TBC1D22A: variants seen among roughly 807,000 people sequenced by gnomAD.
TBC1D22A encodes putative GTPase activator.
In TBC1D22A, 38 loss-of-function variants were observed where a neutral mutation model predicts 60.2. The observed-to-expected ratio is 0.63, with a 90% CI of 0.49 to 0.83. TBC1D22A has a LOEUF of 0.83. TBC1D22A is among the 40% of genes least tolerant of loss of function. The probability of loss-of-function intolerance (pLI) is 0.00; values close to 1 mark genes in which losing one functional copy is unlikely to be tolerated. For synonymous variants in TBC1D22A, 302 were observed against 281.7 expected (o/e 1.07, Z -0.72); for missense variants, 628 against 701.0 (o/e 0.90, Z 1.18).
At chr22:46,842,271 C>T (rs866189617) in intron 4 of TBC1D22A, among the ~76,000 whole-genome samples, 5 of 152,186 alleles carry the variant, frequency 3.3e-5, no homozygotes, top group Admixed American at 6.5e-5. Flanking sequence ...GGATCTCATT[C>T]GGCCAAAAGC....
intron 4 of TBC1D22A, among the ~76,000 whole-genome samples, chr22:46,837,448 C>G (rs2086572783): frequency 6.6e-6 from 1 of 152,152 alleles, no homozygotes; most frequent in East Asian, 1.9e-4. Context: ...AATGCACATT[C>G]TTCTCAAGTC....
intron 10 of TBC1D22A, among the ~76,000 whole-genome samples, chr22:47,017,771 CT>C (rs1488100805): frequency 1.3e-5 from 2 of 152,208 alleles, no homozygotes; most frequent in Non-Finnish European, 1.5e-5. Context: ...TAAGGGGCCT[CT>C]TAGTTCTTTG....
chr22:46,959,214 C>T (rs574616838), intron 8 of TBC1D22A, among the ~76,000 whole-genome samples: 44 of 152,308 alleles, frequency 2.9e-4, no homozygotes, highest in Admixed American at 2.7e-3. Context: ...CCCTAAACTA[C>T]GTGACTGATG....
chr22:46,934,541 A>G (rs980145492), intron 8 of TBC1D22A, among the ~76,000 whole-genome samples: 2 of 152,228 alleles, frequency 1.3e-5, no homozygotes, highest in African/African-American at 2.4e-5. Context: ...CATCCCCCAA[A>G]TCGTCTATAC....
chr22:46,791,349 A>T (rs1229806565), intron 1 of TBC1D22A, among the ~76,000 whole-genome samples: 1 of 152,178 alleles, frequency 6.6e-6, no homozygotes, highest in Non-Finnish European at 1.5e-5. Context: ...GTCTGTGGTG[A>T]GCAGCGCAGG....
intron 12 of TBC1D22A, among the ~76,000 whole-genome samples, chr22:47,156,892 C>T (rs1004976819): frequency 1.4e-4 from 22 of 152,244 alleles, no homozygotes; most frequent in East Asian, 1.9e-4. Flanking sequence ...CTCCTTCTGT[C>T]GTCCTGGCCA....
intron 8 of TBC1D22A, among the ~76,000 whole-genome samples, chr22:46,965,299 GC>G (rs201796854): frequency 1.4e-4 from 22 of 152,278 alleles, no homozygotes; most frequent in African/African-American, 4.8e-4. Flanking sequence ...ACCTGTGGGG[GC>G]GGGGTGCCCC....
chr22:47,071,500 C>G, intron 11 of TBC1D22A, among the ~76,000 whole-genome samples: 1 of 152,252 alleles, frequency 6.6e-6, no homozygotes, highest in East Asian at 1.9e-4. Context: ...TTCAGTCTTC[C>G]TGAGTCGGCC....
chr22:46,807,789 A>G (rs549637363), intron 4 of TBC1D22A, among the ~76,000 whole-genome samples: 2 of 152,160 alleles, frequency 1.3e-5, no homozygotes, highest in Non-Finnish European at 2.9e-5. Context: ...TTAATAGGAC[A>G]TGAAGAGTTC....
chr22:47,077,962 C>T (rs745826685), intron 11 of TBC1D22A, among the ~76,000 whole-genome samples: 18 of 152,288 alleles, frequency 1.2e-4, no homozygotes, highest in Non-Finnish European at 2.2e-4. Context: ...AATTTGCGCT[C>T]CTTCCTGGAA....
intron 7 of TBC1D22A, among the ~76,000 whole-genome samples, chr22:46,907,595 G>GTCCTCGCCTCCACCA (rs927309848): frequency 1.1e-4 from 16 of 151,974 alleles, no homozygotes; most frequent in African/African-American, 2.2e-4. Flanking sequence ...CGCCTCCACC[G>GTCCTCGCCTCCACCA]TCCTCGCCTC....
chr22:47,012,860 G>A (rs184031249), intron 10 of TBC1D22A, among the ~76,000 whole-genome samples: 90 of 152,248 alleles, frequency 5.9e-4, no homozygotes, highest in Non-Finnish European at 9.4e-4. Context: ...CAGTTGTTCC[G>A]AGAGCTCATC....
chr22:46,852,906 G>A (rs764455860), intron 4 of TBC1D22A, among the ~76,000 whole-genome samples: 10 of 152,190 alleles, frequency 6.6e-5, no homozygotes, highest in Non-Finnish European at 1.3e-4. Flanking sequence ...GCCGACTGAG[G>A]TCCGTTCCGT....
chr22:46,849,317 G>GTT (rs1309401569), intron 4 of TBC1D22A, among the ~76,000 whole-genome samples: 1 of 152,160 alleles, frequency 6.6e-6, no homozygotes, highest in Non-Finnish European at 1.5e-5. Flanking sequence ...CTGCCCTCAA[G>GTT]GCCCTCTGCC....
chr22:46,796,686 C>A (rs743139), intron 3 of TBC1D22A, among the ~76,000 whole-genome samples: 1 of 146,384 alleles, frequency 6.8e-6, no homozygotes, highest in African/African-American at 2.5e-5. Flanking sequence ...TTGGATCCCC[C>A]TGGGCCTGTC....
chr22:47,097,224 CA>C (rs1265697661), intron 11 of TBC1D22A, among the ~76,000 whole-genome samples: 1 of 92,192 alleles, frequency 1.1e-5, no homozygotes, highest in African/African-American at 5.0e-5. Flanking sequence ...TTGCAGTTGT[CA>C]TGCTAGTTTT....
intron 12 of TBC1D22A, among the ~76,000 whole-genome samples, chr22:47,127,191 A>G (rs1046650504): frequency 6.6e-6 from 1 of 150,940 alleles, no homozygotes; most frequent in African/African-American, 2.4e-5. Context: ...TGGAATTGGC[A>G]TGGATTTTTT....
chr22:46,953,142 G>A (rs1428569505), intron 8 of TBC1D22A, among the ~76,000 whole-genome samples: 1 of 141,428 alleles, frequency 7.1e-6, no homozygotes, highest in Non-Finnish European at 1.5e-5. Context: ...TTTTGCATGA[G>A]AGACTTTTCT....
chr22:47,095,802 C>G (rs1410403392), intron 11 of TBC1D22A, among the ~76,000 whole-genome samples: 1 of 152,210 alleles, frequency 6.6e-6, no homozygotes, highest in East Asian at 1.9e-4. Flanking sequence ...AGGAGCTGCC[C>G]CAGGCCTATG....
Sources: gnomAD v4.1 joint callset for allele counts (sites outside exome capture counted in the v4.1 genomes callset) on GRCh38, gnomAD v4.1.1 for gene constraint, MANE v1.5 for transcripts, NCBI Gene and HGNC (gene_info 2026-07-23, HGNC 2026-07-21) for gene names.